Variants in SEMA3A observed in about 807,000 individuals in gnomAD.
The protein encoded by SEMA3A is semaphorin 3A.
Under a neutral mutation model 97.9 loss-of-function variants are expected in SEMA3A, and 29 were observed. That is an observed-to-expected ratio of 0.30 (90% CI 0.22 to 0.40). The LOEUF (loss-of-function observed/expected upper bound fraction) is 0.40. Ranked by LOEUF, SEMA3A falls within the 10% of genes least tolerant of loss-of-function variation. The probability of loss-of-function intolerance (pLI) is 1.00; values close to 1 mark genes in which losing one functional copy is unlikely to be tolerated. For missense variants in SEMA3A, 763 were observed against 951.3 expected (o/e 0.80, Z 2.60); for synonymous variants, 321 against 323.7 (o/e 0.99, Z 0.09).
At position 84,280,736 on chromosome 7, in the gene SEMA3A, G is replaced by A. The variant is rs184895504; in HGVS notation, c.-83+26471C>T. ...GCGGAGGTTGTAGTGACTTGAGATC[G>A]CCACTGCACTCCAGCCTGGGTGACA... On this transcript the variant is annotated intron_variant, in intron 3 of 3. Coordinates refer to the SEMA3A transcript ENST00000424555. 2.9e-4 allele frequency among the ~76,000 whole-genome samples: 44 copies of A among 152,078 alleles called. No individual in the cohort carries two copies. The East Asian group carries it at 3.9e-3, about 13-fold the overall frequency.
At chr7:84,009,120 A>G (rs1295140043) in intron 9 of SEMA3A, among the ~76,000 whole-genome samples, 1 of 152,218 alleles carries the variant, frequency 6.6e-6, no homozygotes, top group Middle Eastern at 3.2e-3. Context: ...ACTTGTTTGA[A>G]CTGCATATTC....
chr7:84,151,434 A>T (rs1271383537), intron 1 of SEMA3A, among the ~76,000 whole-genome samples: 1 of 152,038 alleles, frequency 6.6e-6, no homozygotes, highest in South Asian at 2.1e-4. Context: ...CGAGAACTAC[A>T]TGAAGAATGC....
chr7:84,380,006 T>C (rs978449200), intron 1 of SEMA3A, among the ~76,000 whole-genome samples: 3 of 152,198 alleles, frequency 2.0e-5, no homozygotes, highest in African/African-American at 7.2e-5. Flanking sequence ...GTTTAGCATA[T>C]TGGACTTTGG....
At chr7:84,328,404 ACAGT>A (rs759723191) in intron 2 of SEMA3A, among the ~76,000 whole-genome samples, 4 of 152,038 alleles carry the variant, frequency 2.6e-5, no homozygotes, top group Non-Finnish European at 5.9e-5. Flanking sequence ...AAAGAAAGAA[ACAGT>A]CAAAGAGAAA....
intron 3 of SEMA3A, among the ~76,000 whole-genome samples, chr7:84,283,371 A>AT (rs943387609): frequency 6.6e-6 from 1 of 152,034 alleles, no homozygotes; most frequent in African/African-American, 2.4e-5. Flanking sequence ...ACCTGCACTC[A>AT]TTTTTCTCCT....
At chr7:84,051,895 A>C (rs944885636) in intron 5 of SEMA3A, among the ~76,000 whole-genome samples, 1 of 150,050 alleles carries the variant, frequency 6.7e-6, no homozygotes, top group African/African-American at 2.4e-5. Flanking sequence ...ATCAATACCT[A>C]ATTTATTGAG....
chr7:84,052,574 T>A (rs1054662367), intron 5 of SEMA3A, among the ~76,000 whole-genome samples: 16 of 152,228 alleles, frequency 1.1e-4, no homozygotes, highest in African/African-American at 3.6e-4. Flanking sequence ...TTGTCATTTT[T>A]TATTGTGTCT....
chr7:84,382,677 T>C (rs1803294486), intron 1 of SEMA3A, among the ~76,000 whole-genome samples: 2 of 127,760 alleles, frequency 1.6e-5, no homozygotes, highest in Admixed American at 9.6e-5. Flanking sequence ...GCTAACACTG[T>C]GAAACCCTGT....
At chr7:84,059,692 A>T (rs1029664582) in intron 5 of SEMA3A, among the ~76,000 whole-genome samples, 29 of 151,822 alleles carry the variant, frequency 1.9e-4, no homozygotes, top group African/African-American at 7.0e-4. Flanking sequence ...ATTATGTAGA[A>T]AAATATGTTC....
chr7:84,487,753 A>G (rs577278616), intron 1 of SEMA3A, among the ~76,000 whole-genome samples: 4 of 152,192 alleles, frequency 2.6e-5, no homozygotes, highest in African/African-American at 7.2e-5. Context: ...CCACAGATTA[A>G]TTTTTCCAGG....
intron 1 of SEMA3A, among the ~76,000 whole-genome samples, chr7:84,392,741 G>T (rs1471854684): frequency 6.6e-6 from 1 of 152,104 alleles, no homozygotes; most frequent in Admixed American, 6.6e-5. Context: ...CATTTTAACA[G>T]ATGTGAGGTG....
At chr7:84,403,688 A>T (rs547070333) in intron 1 of SEMA3A, among the ~76,000 whole-genome samples, 3 of 152,108 alleles carry the variant, frequency 2.0e-5, no homozygotes, top group Non-Finnish European at 4.4e-5. Flanking sequence ...TACTCCTCTG[A>T]GACAAAACTT....
chr7:84,243,161 A>G (rs77913959), intron 3 of SEMA3A, among the ~76,000 whole-genome samples: 7 of 152,186 alleles, frequency 4.6e-5, no homozygotes, highest in African/African-American at 1.7e-4. Context: ...TGCTGGCCTC[A>G]TAAACTGAGT....
intron 1 of SEMA3A, among the ~76,000 whole-genome samples, chr7:84,455,698 ATTC>A (rs1476211282): frequency 2.0e-5 from 3 of 152,104 alleles, no homozygotes; most frequent in Middle Eastern, 3.4e-3. Flanking sequence ...AATTAAGAGT[ATTC>A]TTAAGTTTAG....
chr7:84,303,468 A>C (rs568543085), intron 3 of SEMA3A, among the ~76,000 whole-genome samples: 9 of 152,276 alleles, frequency 5.9e-5, no homozygotes, highest in Non-Finnish European at 1.2e-4. Context: ...GTATAAGCTA[A>C]GACAACTTAT....
At chr7:84,182,882 A>T (rs1186356410) in intron 1 of SEMA3A, among the ~76,000 whole-genome samples, 3 of 152,174 alleles carry the variant, frequency 2.0e-5, no homozygotes, top group African/African-American at 7.2e-5. Flanking sequence ...GTTTTAAGAC[A>T]TTCATGCTAT....
rs1371759803 is a variant in SEMA3A, at chr7:84,088,458, A to G, written c.453+22012T>C. On this transcript the variant is annotated intron_variant, in intron 4 of 16. Coordinates refer to ENST00000265362, the MANE Select transcript of SEMA3A (RefSeq NM_006080.3). ...TACACAGGGAGACTCCGTTTCCAAA[A>G]AAAAAAAGAAAGTATGCTTGACAAC... 2.0e-5 allele frequency among the ~76,000 whole-genome samples: 3 copies of G among 152,112 alleles called. No homozygotes were observed. In the East Asian group the frequency reaches 5.8e-4, roughly 29 times the overall value.
At chr7:84,252,097 T>C (rs2115617666) in intron 3 of SEMA3A, among the ~76,000 whole-genome samples, 1 of 152,308 alleles carries the variant, frequency 6.6e-6, no homozygotes. Context: ...AGCAATGGAC[T>C]CTTCTGAGTA....
At chr7:83,966,310 TATG>T (rs1319490279) in intron 15 of SEMA3A, among the ~76,000 whole-genome samples, 2 of 152,196 alleles carry the variant, frequency 1.3e-5, no homozygotes, top group African/African-American at 4.8e-5. Context: ...ATTTAGCAAT[TATG>T]ATAACAAATT....
Sources: gnomAD v4.1 joint callset for allele counts (sites outside exome capture counted in the v4.1 genomes callset) on GRCh38, gnomAD v4.1.1 for gene constraint, MANE v1.5 for transcripts, NCBI Gene and HGNC (gene_info 2026-07-23, HGNC 2026-07-21) for gene names.